MAP4K4: variants seen among roughly 807,000 people sequenced by gnomAD.
MAP4K4 encodes the protein mitogen-activated protein kinase kinase kinase kinase 4, also known as HPK/GCK-like kinase HGK.
A neutral mutation model predicts 189.6 loss-of-function variants in MAP4K4; 38 were observed. The ratio of observed to expected loss-of-function variants is 0.20; its 90% CI spans 0.15 to 0.26. MAP4K4 has a LOEUF of 0.26. MAP4K4 is among the 10% of genes least tolerant of loss of function. MAP4K4 has a pLI of 1.00. For missense variants in MAP4K4, 1,054 were observed against 1,726.9 expected (o/e 0.61, Z 6.91); for synonymous variants, 610 against 624.3 (o/e 0.98, Z 0.34).
At chr2:101,788,678 T>C (rs1199113323) in intron 2 of MAP4K4, among the ~76,000 whole-genome samples, 1 of 152,208 alleles carries the variant, frequency 6.6e-6, no homozygotes, top group African/African-American at 2.4e-5. Flanking sequence ...TTCCTTATAC[T>C]CTGTTCCCTT....
chr2:101,869,687 G>A (rs780673213), exon 22 of MAP4K4: 27 of 1,607,304 alleles, frequency 1.7e-5, no homozygotes, highest in Non-Finnish European at 1.8e-5. Context: ...ACAAAGTAAC[G>A]GACTACTCCT....
chr2:101,862,965 T>C (rs1297034346), intron 16 of MAP4K4, among the ~76,000 whole-genome samples: 2 of 152,240 alleles, frequency 1.3e-5, no homozygotes, highest in East Asian at 1.9e-4. Flanking sequence ...AGTTGCCATA[T>C]TGAACAATCA....
In MAP4K4 at chr2:101,887,064, ACTTCT is replaced by A; in HGVS notation, c.3622-20_3622-16del. Reference sequence around the variant, plus strand: ...AAAAAATGTTCTCCTTCATCTTCTCACTTCTCTTATGGCTTCTTTGCAGTCATTTG... The same window carrying A: ...AAAAAATGTTCTCCTTCATCTTCTCACTTATGGCTTCTTTGCAGTCATTTG... On this transcript the variant is annotated intron_variant, in intron 29 of 32. Coordinates refer to ENST00000324219, the Ensembl canonical transcript of MAP4K4. 6.9e-7 allele frequency: 1 copy of A among 1,440,394 alleles called. No individual in the cohort carries two copies. Among genetic ancestry groups the A allele is most frequent in the East Asian group, 2.5e-5 (1 of 39,556 alleles). 89.2% of individuals were successfully genotyped at this position (1,440,394 alleles called of 1,614,324 possible). A position where few individuals can be genotyped will look rare whatever the true frequency, so the allele number is the denominator to read the frequency against.
In MAP4K4 at chr2:101,892,876, C is replaced by T. The variant is rs115754890; in HGVS notation, c.*1627C>T. The T allele has an allele frequency of 1.5e-3, 678 of 456,434 alleles. 3 individuals carry two copies. The highest frequency in any genetic ancestry group is 0.012 in the African/African-American group (622 of 50,194). 28.3% of individuals were successfully genotyped at this position (456,434 alleles called of 1,614,324 possible). ...TTACCGTCTCAGGAAAGGATCAGGACTCCATGTCACAGTCCTGCCATCTTA... is the reference window on the plus strand; with the variant it reads ...TTACCGTCTCAGGAAAGGATCAGGATTCCATGTCACAGTCCTGCCATCTTA... On this transcript the variant is annotated 3_prime_UTR_variant, in exon 33 of 33. Transcript: ENST00000324219.
chr2:101,709,731 A>G (rs1201107887), intron 2 of MAP4K4, among the ~76,000 whole-genome samples: 1 of 152,084 alleles, frequency 6.6e-6, no homozygotes, highest in African/African-American at 2.4e-5. Flanking sequence ...TTTTGAAAAA[A>G]CAAAGCAAAA....
chr2:101,729,889 C>T (rs1040888239), intron 2 of MAP4K4, among the ~76,000 whole-genome samples: 5 of 152,194 alleles, frequency 3.3e-5, no homozygotes, highest in African/African-American at 1.2e-4. Context: ...GTTATCTTGA[C>T]TAGCTTTGAG....
intron 2 of MAP4K4, among the ~76,000 whole-genome samples, chr2:101,737,432 T>TATAG (rs2060669684): frequency 3.3e-5 from 1 of 30,394 alleles, no homozygotes; most frequent in Admixed American, 4.6e-4. Flanking sequence ...GTGAGATATA[T>TATAG]ATATATATAT....
At chr2:101,754,197 C>A (rs2070899766) in intron 2 of MAP4K4, among the ~76,000 whole-genome samples, 1 of 152,130 alleles carries the variant, frequency 6.6e-6, no homozygotes, top group South Asian at 2.1e-4. Context: ...ATCTGCAGGT[C>A]ATCTCTTACT....
chr2:101,841,376 A>G (rs752100142), intron 10 of MAP4K4, among the ~76,000 whole-genome samples: 5 of 152,228 alleles, frequency 3.3e-5, no homozygotes, highest in Admixed American at 6.5e-5. Flanking sequence ...ATGGTCTAGC[A>G]TACAGAAGAG....
At chr2:101,731,870 T>C (rs1220618915) in intron 2 of MAP4K4, among the ~76,000 whole-genome samples, 1 of 152,156 alleles carries the variant, frequency 6.6e-6, no homozygotes, top group Non-Finnish European at 1.5e-5. Context: ...TCCTTTTAAA[T>C]GAAAAAGTTT....
rs970319254 is a variant in MAP4K4, at chr2:101,790,583, C to G, written c.124-137C>G. 40 of 665,816 alleles carry G rather than the reference C, an allele frequency of 6.0e-5. No individual in the cohort carries two copies. In the South Asian group the frequency reaches 6.6e-4, roughly 11 times the overall value. 41.2% of individuals were successfully genotyped at this position (665,816 alleles called of 1,614,324 possible). A position where few individuals can be genotyped will look rare whatever the true frequency, so the allele number is the denominator to read the frequency against. ...TATTGTTGTATTGGAGAGCACAGGA[C>G]TATTTCGTCATCACTTTTGGTTAGT... On this transcript the variant is annotated intron_variant, in intron 2 of 32. Transcript: ENST00000324219.
chr2:101,827,068 A>G (rs992945124), intron 5 of MAP4K4, among the ~76,000 whole-genome samples: 6 of 152,172 alleles, frequency 3.9e-5, no homozygotes, highest in East Asian at 1.9e-4. Context: ...ATGTGTTTCT[A>G]TACCCAGGCA....
chr2:101,877,554 C>T (rs926231052), intron 27 of MAP4K4, among the ~76,000 whole-genome samples: 3 of 150,262 alleles, frequency 2.0e-5, no homozygotes, highest in Non-Finnish European at 2.9e-5. Context: ...TGGCTCACTG[C>T]GAGCTCCGCC....
intron 12 of MAP4K4, among the ~76,000 whole-genome samples, chr2:101,849,274 C>T (rs2097204645): frequency 6.6e-6 from 1 of 152,018 alleles, no homozygotes; most frequent in East Asian, 1.9e-4. Flanking sequence ...AGGCATGCAC[C>T]AGCATACTAG....
At chr2:101,750,431 A>G (rs2068214869) in intron 2 of MAP4K4, among the ~76,000 whole-genome samples, 1 of 146,258 alleles carries the variant, frequency 6.8e-6, no homozygotes, top group Non-Finnish European at 1.5e-5. Context: ...AACACCGCAT[A>G]TTCTCACTCA....
At chr2:101,821,001 T>A (rs1414969089) in intron 3 of MAP4K4, among the ~76,000 whole-genome samples, 1 of 152,194 alleles carries the variant, frequency 6.6e-6, no homozygotes, top group African/African-American at 2.4e-5. Context: ...ATAAAGTTCC[T>A]TTGAAGCAAG....
intron 2 of MAP4K4, among the ~76,000 whole-genome samples, chr2:101,754,037 T>C (rs1002293511): frequency 1.3e-5 from 2 of 152,144 alleles, no homozygotes; most frequent in African/African-American, 4.8e-5. Flanking sequence ...ATATGGCATT[T>C]GGTTTTCTTT....
chr2:101,835,911 A>G (rs762374702), exon 9 of MAP4K4: 13 of 1,612,832 alleles, frequency 8.1e-6, no homozygotes, highest in Non-Finnish European at 1.1e-5. Context: ...TCTCTGTGAC[A>G]TGCATCCAAT....
chr2:101,861,874 G>A (rs1005141319), intron 16 of MAP4K4: 4 of 151,764 alleles, frequency 2.6e-5, no homozygotes, highest in Non-Finnish European at 4.4e-5. Flanking sequence ...TTGCATGTGT[G>A]GGGGACAAAA....
Sources: allele counts gnomAD v4.1 joint callset (sites outside exome capture counted in the v4.1 genomes callset), GRCh38; gene constraint gnomAD v4.1.1; transcripts MANE v1.5; gene names NCBI Gene and HGNC (gene_info 2026-07-23, HGNC 2026-07-21).